Variants in SUPT3H observed in about 807,000 individuals in gnomAD.
SUPT3H encodes transcription initiation protein SPT3 homolog.
In SUPT3H, 44 loss-of-function variants were observed where a neutral mutation model predicts 44.3. The ratio of observed to expected loss-of-function variants is 0.99; its 90% confidence interval spans 0.78 to 1.28. The LOEUF (loss-of-function observed/expected upper bound fraction) is 1.28. SUPT3H is among the 50% of genes most tolerant of loss of function. SUPT3H has a pLI of 0.00. For missense variants in SUPT3H, 380 were observed against 387.1 expected (o/e 0.98, Z 0.15); for synonymous variants, 124 against 125.6 (o/e 0.99, Z 0.09).
chr6:44,976,555 G>T (rs1778371843), intron 6 of SUPT3H, among the ~76,000 whole-genome samples: 1 of 151,968 alleles, frequency 6.6e-6, no homozygotes. Context: ...TAGAGACGGG[G>T]TTTCACCATG....
At chr6:44,876,630 G>T (rs1777325451) in intron 10 of SUPT3H, among the ~76,000 whole-genome samples, 1 of 148,210 alleles carries the variant, frequency 6.7e-6, no homozygotes, top group South Asian at 2.1e-4. Context: ...ATGTGCACAT[G>T]TACCCTAAAA....
chr6:45,245,710 C>T (rs1336845722), intron 2 of SUPT3H, among the ~76,000 whole-genome samples: 1 of 152,084 alleles, frequency 6.6e-6, no homozygotes, highest in African/African-American at 2.4e-5. Context: ...GTTGTTTCCA[C>T]CTTTTGGATA....
At chr6:45,344,616 C>T (rs936396603) in intron 2 of SUPT3H, among the ~76,000 whole-genome samples, 3 of 152,068 alleles carry the variant, frequency 2.0e-5, no homozygotes, top group African/African-American at 7.2e-5. Flanking sequence ...GCTATGCCTA[C>T]CACAAATTTA....
intron 10 of SUPT3H, among the ~76,000 whole-genome samples, chr6:44,831,996 GAAAT>G (rs1245318097): frequency 3.9e-5 from 6 of 152,224 alleles, no homozygotes; most frequent in South Asian, 2.1e-4. Context: ...TTTGAATTCT[GAAAT>G]AAATAAAGAA....
At chr6:45,110,411 C>T (rs368830352) in intron 2 of SUPT3H, among the ~76,000 whole-genome samples, 3 of 152,258 alleles carry the variant, frequency 2.0e-5, no homozygotes, top group African/African-American at 7.2e-5. Context: ...ATGACTAACA[C>T]TTTTAACATT....
chr6:44,938,607 A>G (rs558497723), intron 9 of SUPT3H, among the ~76,000 whole-genome samples: 5 of 152,184 alleles, frequency 3.3e-5, no homozygotes, highest in South Asian at 4.2e-4. Flanking sequence ...TAATTCTGTA[A>G]AAGATGGGGT....
At chr6:45,118,744 T>C (rs1199081527) in intron 2 of SUPT3H, among the ~76,000 whole-genome samples, 2 of 152,180 alleles carry the variant, frequency 1.3e-5, no homozygotes, top group African/African-American at 4.8e-5. Flanking sequence ...CATATTGCAC[T>C]GATTGCCCTA....
At chr6:45,199,447 C>A (rs1027703193) in intron 2 of SUPT3H, among the ~76,000 whole-genome samples, 1 of 151,066 alleles carries the variant, frequency 6.6e-6, no homozygotes, top group African/African-American at 2.4e-5. Context: ...TTGCATATTT[C>A]TTTAACTCCA....
At chr6:45,203,862 GAC>G (rs1301885095) in intron 2 of SUPT3H, among the ~76,000 whole-genome samples, 5 of 152,020 alleles carry the variant, frequency 3.3e-5, no homozygotes, top group African/African-American at 1.2e-4. Context: ...AAACATGACA[GAC>G]TACACTAAGT....
intron 7 of SUPT3H, among the ~76,000 whole-genome samples, 162 bp downstream of exon 7, chr6:44,961,591 A>G (rs1466823818): frequency 6.6e-6 from 1 of 152,176 alleles, no homozygotes; most frequent in East Asian, 1.9e-4. Flanking sequence ...TAGGAAAATC[A>G]TTTATAGGCT....
At chr6:45,234,475 G>A (rs564898219) in intron 2 of SUPT3H, among the ~76,000 whole-genome samples, 272 of 148,000 alleles carry the variant, frequency 1.8e-3, no homozygotes, top group African/African-American at 6.5e-3. Context: ...AGGTTGCAGT[G>A]AGCCAAGACT....
At chr6:45,315,929 A>ATAGG (rs1554339671) in intron 2 of SUPT3H, among the ~76,000 whole-genome samples, 2 of 126,168 alleles carry the variant, frequency 1.6e-5, no homozygotes, top group African/African-American at 5.6e-5. Flanking sequence ...AGACAGATAG[A>ATAGG]TAGATAGATA....
chr6:45,134,313 C>T (rs967372757), intron 2 of SUPT3H, among the ~76,000 whole-genome samples: 15 of 152,220 alleles, frequency 9.9e-5, no homozygotes, highest in Non-Finnish European at 4.4e-5. Flanking sequence ...GAACTGATCA[C>T]CTCTTATTAG....
intron 6 of SUPT3H, among the ~76,000 whole-genome samples, chr6:44,975,187 A>AAACAAACC (rs1443474384): frequency 1.3e-5 from 2 of 151,626 alleles, no homozygotes; most frequent in Non-Finnish European, 2.9e-5. Context: ...ACAAACAAAC[A>AAACAAACC]AACAAAAAAG....
chr6:44,942,729 C>T (rs780456108), intron 9 of SUPT3H, among the ~76,000 whole-genome samples: 8 of 152,026 alleles, frequency 5.3e-5, no homozygotes, highest in Non-Finnish European at 7.4e-5. Flanking sequence ...TATGGCTTTC[C>T]GCAAATCTTT....
At chr6:44,912,980 A>G (rs775417715) in intron 10 of SUPT3H, among the ~76,000 whole-genome samples, 15 of 152,220 alleles carry the variant, frequency 9.9e-5, no homozygotes, top group Non-Finnish European at 1.6e-4. Context: ...CTTCTTCCCA[A>G]GAAAATGTGT....
intron 2 of SUPT3H, among the ~76,000 whole-genome samples, chr6:45,129,648 T>C (rs1268252129): frequency 2.6e-5 from 4 of 152,190 alleles, no homozygotes; most frequent in African/African-American, 9.7e-5. Flanking sequence ...TTTTTGTACG[T>C]CAATATTTAT....
chr6:45,172,945 T>A (rs1366043704), intron 2 of SUPT3H, among the ~76,000 whole-genome samples: 1 of 152,196 alleles, frequency 6.6e-6, no homozygotes, highest in Non-Finnish European at 1.5e-5. Context: ...CTTCAACAGA[T>A]AAAAATCTGA....
At chr6:44,947,537 C>T (rs972114630) in intron 9 of SUPT3H, among the ~76,000 whole-genome samples, 15 of 152,040 alleles carry the variant, frequency 9.9e-5, no homozygotes, top group African/African-American at 3.6e-4. Context: ...TTTCAAAATC[C>T]CACCAGGCTT....
Sources: gnomAD v4.1 joint callset for allele counts (sites outside exome capture counted in the v4.1 genomes callset) on GRCh38, gnomAD v4.1.1 for gene constraint, MANE v1.5 for transcripts, NCBI Gene and HGNC (gene_info 2026-07-23, HGNC 2026-07-21) for gene names.